The following CAT variants were observed in gnomAD, a reference collection of about 807,000 sequenced individuals.
CAT encodes the protein epididymis secretory sperm binding protein.
In CAT, 43 loss-of-function variants were observed where a neutral mutation model predicts 59.0. That is an observed-to-expected ratio of 0.73 (90% CI 0.57 to 0.94). The LOEUF (loss-of-function observed/expected upper bound fraction) is 0.94. Among genes scored for constraint, CAT ranks in the 40% least tolerant of loss-of-function variants. The pLI, the probability that CAT is intolerant of heterozygous loss-of-function variation, is 0.00. For missense variants in CAT, 664 were observed against 682.9 expected (o/e 0.97, Z 0.31); for synonymous variants, 218 against 230.9 (o/e 0.94, Z 0.51).
chr11:34,459,583 A>G (rs947328667), intron 8 of CAT, among the ~76,000 whole-genome samples: 1 of 152,076 alleles, frequency 6.6e-6, no homozygotes, highest in Non-Finnish European at 1.5e-5. Context: ...TTGGGTGGGA[A>G]AGGCTTTCCC....
At chr11:34,455,827 G>T (rs546236230) in intron 6 of CAT, among the ~76,000 whole-genome samples, 184 bp from the exon 7 acceptor site, 3 of 152,238 alleles carry the variant, frequency 2.0e-5, no homozygotes, top group Admixed American at 6.5e-5. Context: ...AAAGTATTGG[G>T]ATAATCAAGT....
At chr11:34,469,087 G>A (rs899229135) in intron 11 of CAT, among the ~76,000 whole-genome samples, 4 of 152,216 alleles carry the variant, frequency 2.6e-5, no homozygotes, top group Middle Eastern at 6.3e-3. Flanking sequence ...TCTGATGGCC[G>A]CTCATCGAGC....
At chr11:34,441,917 G>A (rs1262108789) in intron 1 of CAT, among the ~76,000 whole-genome samples, 1 of 152,242 alleles carries the variant, frequency 6.6e-6, no homozygotes, top group African/African-American at 2.4e-5. Context: ...GTAAGTGAAT[G>A]TGTTATGAGA....
At chr11:34,466,086 A>G (rs1360121876) in intron 10 of CAT, among the ~76,000 whole-genome samples, 1 of 152,244 alleles carries the variant, frequency 6.6e-6, no homozygotes, top group East Asian at 1.9e-4. Context: ...CAGAGCCTCT[A>G]GTTATACTCA....
rs755616833 is a variant in CAT at position 34,471,379 on chromosome 11, C to A, written c.1530C>A (p.His510Gln). Reference protein sequence around the residue: ...YNAEKPKNAIHTFVQSGSHLA... With the variant: ...YNAEKPKNAIQTFVQSGSHLA... ...TTCTTTTAAAACAGAATGCGATTCA[C>A]ACCTTTGTGCAGTCCGGATCTCACT... The change falls in exon 13 of 13, where the codon CAC becomes CAA. Residue 510 changes from histidine (H) to glutamine (Q), a missense_variant. Physicochemically the swap from His to Gln is conservative, Grantham distance 24. Transcript: ENST00000241052. 6.2e-7 allele frequency: 1 copy of A among 1,613,910 alleles called. No homozygotes were observed. Among genetic ancestry groups the A allele is most frequent in the Non-Finnish European group, 8.5e-7 (1 of 1,179,786 alleles).
intron 11 of CAT, 103 bp downstream of exon 11, chr11:34,468,498 C>A: frequency 1.3e-6 from 1 of 761,144 alleles, no homozygotes; most frequent in Non-Finnish European, 2.3e-6. Flanking sequence ...TTTTACTTGA[C>A]TTAAGAGAAC....
intron 1 of CAT, among the ~76,000 whole-genome samples, chr11:34,445,727 C>A (rs972969954): frequency 1.3e-4 from 19 of 151,960 alleles, no homozygotes; most frequent in African/African-American, 3.9e-4. Context: ...TTAAAATTAT[C>A]CAGCCATAGA....
intron 8 of CAT, chr11:34,460,973 C>T (rs1340970725): frequency 2.1e-6 from 1 of 472,656 alleles, no homozygotes; most frequent in Non-Finnish European, 3.9e-6. Context: ...AAGACACTAA[C>T]TTGTTATGCA....
chr11:34,453,302 T>A, intron 5 of CAT, 108 bp downstream of exon 5: 1 of 783,042 alleles, frequency 1.3e-6, no homozygotes, highest in Non-Finnish European at 2.3e-6. Context: ...GGAATCAGCT[T>A]CCTCAGATTT....
intron 8 of CAT, among the ~76,000 whole-genome samples, chr11:34,459,020 A>T (rs1020013986): frequency 6.6e-6 from 1 of 151,664 alleles, no homozygotes; most frequent in Non-Finnish European, 1.5e-5. Flanking sequence ...TTTTTTTTTT[A>T]AATGAGTTTT....
At chr11:34,444,867 A>G (rs772548593) in intron 1 of CAT, among the ~76,000 whole-genome samples, 19 of 152,254 alleles carry the variant, frequency 1.2e-4, no homozygotes, top group Non-Finnish European at 2.6e-4. Context: ...ATTTTACTTT[A>G]AGTCCCTACT....
intron 3 of CAT, 131 bp from the exon 4 acceptor site, chr11:34,451,946 C>T: frequency 1.2e-6 from 1 of 858,228 alleles, no homozygotes; most frequent in Non-Finnish European, 1.9e-6. Flanking sequence ...ATAACCCGGG[C>T]ACTTAAATAC....
chr11:34,449,231 G>A lies in CAT; in HGVS notation c.106G>A (p.Gly36Arg), dbSNP rs779733859. The stretch of plus-strand genomic sequence containing the variant: ...GACCACTGGAGCTGGTAACCCAGTA[G>A]GAGACAAACTTAATGTTATTACAGT... ...VLTTGAGNPV[G>R]DKLNVITVGP... Residue 36 changes from glycine to arginine, a missense_variant, in exon 2 of 13, where the codon GGA (glycine) becomes AGA (arginine). Coordinates refer to ENST00000241052, the MANE Select transcript of CAT (RefSeq NM_001752.4). The A allele has an allele frequency of 1.6e-5, 26 of 1,614,062 alleles. No individual in the cohort carries two copies. The highest frequency in any genetic ancestry group is 2.7e-5 in the African/African-American group (2 of 74,932).
rs773340106 is a variant in CAT, at chr11:34,471,413, A to G, written c.1564A>G (p.Arg522Gly). Residue 522 changes from arginine to glycine, a missense_variant, in exon 13 of 13, where the codon AGG becomes GGG. Physicochemically the swap from Arg to Gly is moderately radical, Grantham distance 125. Transcript: ENST00000241052. ...GCAGTCCGGATCTCACTTGGCGGCA[A>G]GGGAGAAGGCAAATCTGTGAGGCCG... ...FVQSGSHLAA[R>G]EKANL 8 of 1,613,976 alleles carry G rather than the reference A, an allele frequency of 5.0e-6. No homozygotes were observed. Among genetic ancestry groups the G allele is most frequent in the Non-Finnish European group, 6.8e-6 (8 of 1,179,834 alleles).
intron 11 of CAT, among the ~76,000 whole-genome samples, chr11:34,470,000 A>C (rs1259141964): frequency 6.6e-6 from 1 of 152,090 alleles, no homozygotes; most frequent in Admixed American, 6.6e-5. Context: ...GACAATAAGC[A>C]ATTCTGTAAT....
chr11:34,446,003 C>T (rs1441634986), intron 1 of CAT, among the ~76,000 whole-genome samples: 2 of 152,126 alleles, frequency 1.3e-5, no homozygotes, highest in Non-Finnish European at 2.9e-5. Flanking sequence ...TTTCTAGCCC[C>T]ACCCTCTCAT....
chr11:34,469,143 T>C (rs1019540141), intron 11 of CAT, among the ~76,000 whole-genome samples: 4 of 152,166 alleles, frequency 2.6e-5, no homozygotes, highest in Non-Finnish European at 5.9e-5. Flanking sequence ...GTCCCAGAGC[T>C]AAGCTTTTTG....
Position 34,470,144 on chromosome 11 carries a change from C to T in CAT, c.1435-814C>T, listed in dbSNP as rs563884690. Among the ~76,000 whole-genome samples the T allele has an allele frequency of 4.9e-4, 75 of 152,270 alleles. 1 individual carries two copies. The highest frequency in any genetic ancestry group is 6.0e-4 in the Non-Finnish European group (41 of 68,010). On this transcript the variant is annotated intron_variant, in intron 11 of 12. Coordinates refer to ENST00000241052, the MANE Select transcript of CAT (RefSeq NM_001752.4). ...AAATGAGGTACCCTGGCTATGCACA[C>T]TTCTGCAGATTCTGACTGCAAATCA...
intron 10 of CAT, 101 bp downstream of exon 10, chr11:34,464,336 A>G: frequency 1.7e-6 from 2 of 1,197,828 alleles, no homozygotes; most frequent in South Asian, 1.2e-5. Flanking sequence ...TGTCTGATGT[A>G]TCTTAAATTG....
Sources: allele counts gnomAD v4.1 joint callset (sites outside exome capture counted in the v4.1 genomes callset), GRCh38; gene constraint gnomAD v4.1.1; transcripts MANE v1.5; gene names NCBI Gene and HGNC (gene_info 2026-07-23, HGNC 2026-07-21).